NME7: variants seen among roughly 807,000 people sequenced by gnomAD.
The protein encoded by NME7 is NME/NM23 family member 7, also known as nucleoside diphosphate kinase 7.
NME7 carries 41 observed loss-of-function variants against 49.1 expected under a neutral mutation model. The ratio of observed to expected loss-of-function variants is 0.83; its 90% CI spans 0.65 to 1.08. The LOEUF is 1.08. Ranked by LOEUF, NME7 falls within the 50% of genes least tolerant of loss-of-function variation. The probability of loss-of-function intolerance (pLI) is 0.00; values close to 1 mark genes in which losing one functional copy is unlikely to be tolerated. For synonymous variants in NME7, 139 were observed against 150.6 expected, an observed-to-expected ratio of 0.92 and a Z score of 0.56; for missense variants, 423 against 463.4, an observed-to-expected ratio of 0.91 and a Z score of 0.80.
At chr1:169,138,340 CT>C (rs1240737102) in intron 11 of NME7, among the ~76,000 whole-genome samples, 1 of 151,576 alleles carries the variant, frequency 6.6e-6, no homozygotes, top group African/African-American at 2.4e-5. Flanking sequence ...AAAAAAAAGA[CT>C]AAATGAAAAT....
intron 11 of NME7, among the ~76,000 whole-genome samples, chr1:169,160,409 C>T (rs1392562004): frequency 3.3e-5 from 5 of 152,082 alleles, no homozygotes; most frequent in African/African-American, 1.2e-4. Context: ...ATTCTGTCAT[C>T]AGCACTTTCT....
At chr1:169,237,910 G>A (rs897469120) in intron 7 of NME7, among the ~76,000 whole-genome samples, 1 of 151,924 alleles carries the variant, frequency 6.6e-6, no homozygotes, top group Non-Finnish European at 1.5e-5. Flanking sequence ...ATGGTTCTGA[G>A]GTTTATGCAA....
intron 7 of NME7, among the ~76,000 whole-genome samples, chr1:169,270,983 T>C (rs1221969890): frequency 7.4e-6 from 1 of 134,322 alleles, no homozygotes; most frequent in Non-Finnish European, 1.8e-5. Context: ...GCATAATTTT[T>C]AAAGTAAAAA....
intron 7 of NME7, among the ~76,000 whole-genome samples, chr1:169,275,757 C>T (rs1439598627): frequency 2.3e-5 from 3 of 132,820 alleles, no homozygotes; most frequent in South Asian, 2.3e-4. Flanking sequence ...CATCCCTGTC[C>T]TGTGCCAGTT....
At chr1:169,289,832 A>C (rs1420424311) in intron 6 of NME7, among the ~76,000 whole-genome samples, 1 of 152,124 alleles carries the variant, frequency 6.6e-6, no homozygotes, top group Non-Finnish European at 1.5e-5. Context: ...GAGCGCTTTT[A>C]CTAGGTCATT....
intron 1 of NME7, among the ~76,000 whole-genome samples, chr1:169,342,997 GTA>G (rs35893899): frequency 6.8e-5 from 3 of 44,224 alleles, no homozygotes; most frequent in African/African-American, 1.3e-4. Context: ...ACTTGTATTA[GTA>G]TATATATATA....
chr1:169,272,088 C>A (rs1649510311), intron 7 of NME7, among the ~76,000 whole-genome samples: 1 of 131,640 alleles, frequency 7.6e-6, no homozygotes, highest in Admixed American at 7.5e-5. Context: ...ACAAAAATTT[C>A]TTTGCCTTAA....
At chr1:169,316,489 G>A (rs1220752486) in intron 3 of NME7, among the ~76,000 whole-genome samples, 2 of 152,066 alleles carry the variant, frequency 1.3e-5, no homozygotes, top group African/African-American at 4.8e-5. Flanking sequence ...TCTCCAGAAC[G>A]TATAAATATA....
intron 10 of NME7, among the ~76,000 whole-genome samples, chr1:169,171,093 T>C (rs1659573158): frequency 6.6e-6 from 1 of 152,246 alleles, no homozygotes; most frequent in African/African-American, 2.4e-5. Context: ...ACTGTTTTAT[T>C]AGAACCTATT....
chr1:169,367,621 A>C (rs1653930119), intron 1 of NME7, 87 bp downstream of exon 1: 1 of 1,499,898 alleles, frequency 6.7e-7, no homozygotes. Flanking sequence ...AGGACCGGAC[A>C]ACTTTAAGTG....
intron 5 of NME7, 128 bp from the exon 6 acceptor site, chr1:169,298,891 A>G: frequency 1.2e-6 from 1 of 838,846 alleles, no homozygotes; most frequent in Non-Finnish European, 1.8e-6. Context: ...AGAACCATTA[A>G]GCATAGTTAA....
intron 1 of NME7, among the ~76,000 whole-genome samples, chr1:169,357,909 T>C (rs993542723): frequency 6.6e-6 from 1 of 152,088 alleles, no homozygotes; most frequent in Non-Finnish European, 1.5e-5. Context: ...TCACACCTAA[T>C]ACCTGCTAAA....
chr1:169,235,790 T>C (rs1389185014), intron 8 of NME7, among the ~76,000 whole-genome samples: 1 of 152,108 alleles, frequency 6.6e-6, no homozygotes, highest in East Asian at 1.9e-4. Flanking sequence ...TTTATACAAG[T>C]CATGTGGACT....
In NME7 at chr1:169,132,806, G is replaced by GAAGT. The variant is rs755143347; in HGVS notation, c.1106_1109dup (p.Phe370LeufsTer8). 683 of 1,613,134 alleles carry GAAGT rather than the reference G, an allele frequency of 4.2e-4. 2 individuals are homozygous for GAAGT. The highest frequency in any genetic ancestry group is 1.2e-3 in the Middle Eastern group (7 of 6,058). ...ACCACTAATTATCCAAGATCTTGAA[G>GAAGT]AAGTATTGAACCTGAAACGGAGAAA... is the stretch of plus-strand genomic sequence containing the variant. On this transcript the variant is annotated frameshift_variant, in exon 12 of 12. Coordinates refer to ENST00000367811, the MANE Select transcript of NME7 (RefSeq NM_013330.5). LOFTEE classifies it high-confidence loss of function.
intron 7 of NME7, among the ~76,000 whole-genome samples, chr1:169,238,759 A>G (rs1647965808): frequency 6.6e-6 from 1 of 152,018 alleles, no homozygotes; most frequent in Non-Finnish European, 1.5e-5. Context: ...AAGCTCAAAG[A>G]CAGAAAAGTG....
At chr1:169,183,718 C>T (rs10919088) in intron 10 of NME7, among the ~76,000 whole-genome samples, 16,528 of 151,890 alleles carry the variant, frequency 0.11, 948 homozygotes, top group East Asian at 0.17. Flanking sequence ...AGGAGAATGG[C>T]GTGAACCCGG....
At chr1:169,241,883 A>G (rs1648104577) in intron 7 of NME7, among the ~76,000 whole-genome samples, 1 of 151,810 alleles carries the variant, frequency 6.6e-6, no homozygotes, top group Non-Finnish European at 1.5e-5. Flanking sequence ...ACAGTACAAA[A>G]AACGAAACTA....
intron 3 of NME7, among the ~76,000 whole-genome samples, chr1:169,314,088 G>A (rs1166591614): frequency 6.6e-6 from 1 of 151,534 alleles, no homozygotes; most frequent in African/African-American, 2.4e-5. Flanking sequence ...TTTTCTATTA[G>A]TAAACACACT....
intron 1 of NME7, among the ~76,000 whole-genome samples, chr1:169,347,130 G>C (rs1485670586): frequency 1.3e-5 from 2 of 152,190 alleles, no homozygotes; most frequent in African/African-American, 2.4e-5. Flanking sequence ...AAGATCACTT[G>C]AGCCCAGGAG....
Sources: gnomAD v4.1 joint callset for allele counts (sites outside exome capture counted in the v4.1 genomes callset) on GRCh38, gnomAD v4.1.1 for gene constraint, MANE v1.5 for transcripts, NCBI Gene and HGNC (gene_info 2026-07-23, HGNC 2026-07-21) for gene names.